The following ANO2 variants were observed in gnomAD, a reference collection of about 807,000 sequenced individuals.
ANO2 encodes the protein anoctamin-2.
ANO2 carries 101 observed loss-of-function variants against 124.2 expected under a neutral mutation model. That is an observed-to-expected ratio of 0.81 (90% CI 0.69 to 0.96). ANO2 has a LOEUF of 0.96. Among genes scored for constraint, ANO2 ranks in the 40% least tolerant of loss-of-function variants. The probability of loss-of-function intolerance (pLI) is 0.00; values close to 1 mark genes in which losing one functional copy is unlikely to be tolerated. For missense variants in ANO2, 1,293 were observed against 1,274.5 expected (o/e 1.01, Z -0.22); for synonymous variants, 486 against 482.5 (o/e 1.01, Z -0.09).
chr12:5,942,563 A>G (rs1206270878), intron 1 of ANO2, among the ~76,000 whole-genome samples: 1 of 152,202 alleles, frequency 6.6e-6, no homozygotes, highest in Non-Finnish European at 1.5e-5. Flanking sequence ...AAGACCGCAC[A>G]CAACCTGGCT....
intron 7 of ANO2, among the ~76,000 whole-genome samples, chr12:5,807,735 A>G (rs552006894): frequency 1.3e-5 from 2 of 152,322 alleles, no homozygotes; most frequent in African/African-American, 4.8e-5. Flanking sequence ...CATGATCTAT[A>G]AAAGTGTATG....
chr12:5,916,492 T>TAAA (rs57056611), intron 3 of ANO2, among the ~76,000 whole-genome samples: 17 of 93,146 alleles, frequency 1.8e-4, no homozygotes, highest in Admixed American at 2.5e-4. Flanking sequence ...CGCAGCAGGT[T>TAAA]AAAAAAAAAA....
intron 15 of ANO2, among the ~76,000 whole-genome samples, chr12:5,638,955 G>C (rs1242891604): frequency 2.0e-5 from 3 of 152,196 alleles, no homozygotes; most frequent in Non-Finnish European, 4.4e-5. Context: ...CTGAAGCAAA[G>C]TTGAGAAAAT....
intron 1 of ANO2, among the ~76,000 whole-genome samples, chr12:5,923,055 C>A (rs1208608403): frequency 7.3e-6 from 1 of 137,896 alleles, no homozygotes; most frequent in Non-Finnish European, 1.6e-5. Flanking sequence ...CGCACACACA[C>A]CCACATACAC....
intron 19 of ANO2, among the ~76,000 whole-genome samples, chr12:5,599,958 C>T (rs1488705562): frequency 1.3e-5 from 2 of 152,230 alleles, no homozygotes; most frequent in African/African-American, 4.8e-5. Flanking sequence ...TATTGTCCAA[C>T]AGGTGATCTA....
At chr12:5,812,563 GAAAAAGAAAAAAAGAAAGAGAAAGAA>G (rs1428320203) in intron 7 of ANO2, among the ~76,000 whole-genome samples, 1 of 99,750 alleles carries the variant, frequency 1.0e-5, no homozygotes, top group Non-Finnish European at 2.0e-5. Context: ...AAGAAAGAAA[GAAAAAGAAAAAAAGAAAGAGAAAGAA>G]AGAGGAAGAA....
intron 7 of ANO2, among the ~76,000 whole-genome samples, chr12:5,826,476 A>ATATC (rs1427598442): frequency 3.7e-4 from 54 of 146,638 alleles, no homozygotes; most frequent in African/African-American, 1.3e-3. Flanking sequence ...ATATATATAT[A>ATATC]TCCTTGATAT....
At chr12:5,916,113 C>CA (rs1941360605) in intron 3 of ANO2, among the ~76,000 whole-genome samples, 1 of 151,878 alleles carries the variant, frequency 6.6e-6, no homozygotes, top group Non-Finnish European at 1.5e-5. Context: ...CCCGTCTCTA[C>CA]AAAAAATACA....
rs557150386 is a variant in ANO2 at position 5,826,505 on chromosome 12, T to C, written c.892+1264A>G. On this transcript the variant is annotated intron_variant, in intron 7 of 24. Transcript: ENST00000682330. Reference sequence around the variant, plus strand: ...TTGATATGTATATATAAAATTTCTCTGTTTTTTAAGCTAATTCTCTCACCC... The same window carrying C: ...TTGATATGTATATATAAAATTTCTCCGTTTTTTAAGCTAATTCTCTCACCC... Among the ~76,000 whole-genome samples, 394 of 151,708 alleles carry C rather than the reference T, an allele frequency of 2.6e-3. 3 individuals are homozygous for C. Among genetic ancestry groups the C allele is most frequent in the Admixed American group, 4.7e-3 (71 of 15,238 alleles).
chr12:5,783,843 G>T (rs1952469396), intron 10 of ANO2, among the ~76,000 whole-genome samples: 1 of 152,150 alleles, frequency 6.6e-6, no homozygotes, highest in Non-Finnish European at 1.5e-5. Context: ...TAGGGCTCCA[G>T]CCTGTGCCCC....
chr12:5,858,738 T>C lies in ANO2; in HGVS notation c.535-4597A>G, dbSNP rs534730701. 3.3e-5 allele frequency: 5 copies of C among 152,350 alleles called. No homozygotes were observed. In the South Asian group the frequency reaches 8.3e-4, roughly 25 times the overall value. The allele number at this position is 152,350 out of a possible 1,614,324, so 9.4% of individuals were successfully genotyped here. The stretch of plus-strand genomic sequence containing the variant: ...GTTCAATAAACATCAGGCATTACTA[T>C]AGCGATTAGCTCTACCCAGGTAAAA... On this transcript the variant is annotated intron_variant, in intron 3 of 24. Coordinates refer to ENST00000682330, the MANE Select transcript of ANO2 (RefSeq NM_001364791.2).
intron 9 of ANO2, among the ~76,000 whole-genome samples, chr12:5,801,132 T>C (rs58739331): frequency 0.011 from 1,633 of 152,282 alleles, 34 homozygotes; most frequent in African/African-American, 0.036. Flanking sequence ...CTGGACTCAG[T>C]GGCTTTGAGG....
In ANO2 at chr12:5,939,397, C is replaced by T. The variant is rs1591817903; in HGVS notation, c.22+5799G>A. On this transcript the variant is annotated intron_variant, in intron 1 of 24. Transcript: ENST00000682330. ...CTCAATGAAACACCCACTCATTGAG[C>T]ACCTACCGTGTGTCAGGCTGCAGTA... Among the ~76,000 whole-genome samples, 6 of 152,124 alleles carry T rather than the reference C, an allele frequency of 3.9e-5. 1 individual carries two copies. Among genetic ancestry groups the T allele is most frequent in the Admixed American group, 3.3e-4 (5 of 15,280 alleles).
At chr12:5,819,949 T>A (rs1953731758) in intron 7 of ANO2, among the ~76,000 whole-genome samples, 1 of 152,130 alleles carries the variant, frequency 6.6e-6, no homozygotes. Flanking sequence ...TGTAGAGCTC[T>A]GGCATTGGCT....
At chr12:5,678,391 G>A (rs2192186) in intron 14 of ANO2, among the ~76,000 whole-genome samples, 76,126 of 152,116 alleles carry the variant, frequency 0.5, 21,120 homozygotes, top group Middle Eastern at 0.62. Flanking sequence ...CACTTGAGCC[G>A]AGATCCTCAG....
At chr12:5,923,103 T>TACACAC (rs1282420295) in intron 1 of ANO2, among the ~76,000 whole-genome samples, 1 of 6,144 alleles carries the variant, frequency 1.6e-4, no homozygotes, top group African/African-American at 2.6e-4. Flanking sequence ...CGCACACACA[T>TACACAC]ACACACACAT....
At chr12:5,599,268 G>C (rs1220047816) in intron 20 of ANO2, among the ~76,000 whole-genome samples, 3 of 152,160 alleles carry the variant, frequency 2.0e-5, no homozygotes, top group Non-Finnish European at 4.4e-5. Context: ...CCAAACTGTT[G>C]ACTGAGCTGC....
intron 3 of ANO2, among the ~76,000 whole-genome samples, chr12:5,861,585 G>C (rs1402175636): frequency 6.6e-6 from 1 of 152,134 alleles, no homozygotes; most frequent in East Asian, 1.9e-4. Flanking sequence ...GCCCTGCCAA[G>C]CCACCTCCAT....
intron 14 of ANO2, among the ~76,000 whole-genome samples, chr12:5,672,755 G>A (rs1323744833): frequency 4.6e-5 from 7 of 152,110 alleles, no homozygotes; most frequent in African/African-American, 1.7e-4. Flanking sequence ...CCCCAGGCAA[G>A]AGTCTAGAAA....
Sources: allele counts gnomAD v4.1 joint callset (sites outside exome capture counted in the v4.1 genomes callset), GRCh38; gene constraint gnomAD v4.1.1; transcripts MANE v1.5; gene names NCBI Gene and HGNC (gene_info 2026-07-23, HGNC 2026-07-21).